CACNA1B: variants seen among roughly 807,000 people sequenced by gnomAD.
The protein encoded by CACNA1B is calcium voltage-gated channel subunit alpha1 B, also known as voltage-dependent N-type calcium channel subunit alpha-1B.
A neutral mutation model predicts 247.2 loss-of-function variants in CACNA1B; 70 were observed. The ratio of observed to expected loss-of-function variants is 0.28; its 90% CI spans 0.23 to 0.35. The LOEUF (loss-of-function observed/expected upper bound fraction) is 0.35, where lower values mean the gene tolerates loss of function less well. CACNA1B is among the 10% of genes least tolerant of loss of function. The pLI, the probability that CACNA1B is intolerant of heterozygous loss-of-function variation, is 1.00. For synonymous variants in CACNA1B, 1,231 were observed against 1,294.4 expected (o/e 0.95, Z 1.05); for missense variants, 2,367 against 3,197.4 (o/e 0.74, Z 6.26).
intron 13 of CACNA1B, among the ~76,000 whole-genome samples, chr9:137,985,947 G>T (rs1250941055): frequency 6.6e-6 from 1 of 152,236 alleles, no homozygotes; most frequent in Non-Finnish European, 1.5e-5. Context: ...TCTGCCACCG[G>T]CCACAGCGCT....
intron 6 of CACNA1B, among the ~76,000 whole-genome samples, chr9:137,928,218 C>T (rs1957573267): frequency 6.6e-6 from 1 of 152,186 alleles, no homozygotes; most frequent in African/African-American, 2.4e-5. Flanking sequence ...CTGCCTTAGC[C>T]TCCCAAGTAG....
intron 15 of CACNA1B, among the ~76,000 whole-genome samples, chr9:137,992,346 A>G (rs571290814): frequency 6.6e-6 from 1 of 152,340 alleles, no homozygotes; most frequent in East Asian, 1.9e-4. Context: ...ACAAAGAGGG[A>G]CATTATATAA....
chr9:137,965,471 A>C (rs1958063684), intron 10 of CACNA1B, among the ~76,000 whole-genome samples: 1 of 152,292 alleles, frequency 6.6e-6, no homozygotes, highest in Non-Finnish European at 1.5e-5. Flanking sequence ...GCTTGAGGCC[A>C]GGAGTTTGAG....
At position 137,971,525 on chromosome 9, in the gene CACNA1B, G is replaced by A; in HGVS notation, c.1476G>A (p.Val492=). Residue 492 remains valine, a synonymous_variant, in exon 11 of 47, where the codon GTG becomes GTA. Coordinates refer to ENST00000371372, the MANE Select transcript of CACNA1B (RefSeq NM_000718.4). The surrounding 1 kb of genome is among the most constrained non-coding windows in gnomAD (Gnocchi z 4.4). The part of the protein sequence containing the change: ...QSFYWVVLCV[V]ALNTLCVAMV... The stretch of plus-strand genomic sequence containing the variant: ...TCTACTGGGTGGTGCTGTGCGTGGT[G>A]GCCCTGAACACACTGTGTGTGGCCA... 6.2e-7 allele frequency: 1 copy of A among 1,613,818 alleles called. No homozygotes were observed. The highest frequency in any genetic ancestry group is 1.1e-5 in the South Asian group (1 of 91,026).
In CACNA1B at chr9:137,941,702, T is replaced by TA. The variant is rs1171361988; in HGVS notation, c.967-10571dup. 2.0e-5 allele frequency among the ~76,000 whole-genome samples: 3 copies of TA among 151,872 alleles called. No individual in the cohort carries two copies. In the East Asian group the frequency reaches 5.8e-4, roughly 29 times the overall value. On this transcript the variant is annotated intron_variant, in intron 6 of 46. Coordinates refer to ENST00000371372, the MANE Select transcript of CACNA1B (RefSeq NM_000718.4). Reference sequence around the variant, plus strand: ...GAACCCAGAAATAAACCCAAATACTTACAGCAAGCAAAAAGATAAAAGTGG... The same window carrying TA: ...GAACCCAGAAATAAACCCAAATACTTAACAGCAAGCAAAAAGATAAAAGTGG...
At position 138,024,900 on chromosome 9, in the gene CACNA1B, G is replaced by A. The variant is rs143939370; in HGVS notation, c.3069-55G>A. 6.4e-4 allele frequency: 828 copies of A among 1,284,840 alleles called. 12 individuals carry two copies. The East Asian group carries it at 0.02, about 30-fold the overall frequency. 79.6% of individuals were successfully genotyped at this position (1,284,840 alleles called of 1,614,324 possible). A position where few individuals can be genotyped will look rare whatever the true frequency, so the allele number is the denominator to read the frequency against. On this transcript the variant is annotated intron_variant, in intron 19 of 46. Transcript: ENST00000371372. ...CCTCCTGCCTCTGCCTCCCGGTGCC[G>A]GGATCACAGGTGTGAGCCACTGCGC... is the stretch of plus-strand genomic sequence containing the variant.
At chr9:138,023,876 G>T (rs1958886059) in intron 19 of CACNA1B, 65 bp downstream of exon 19, 1 of 814,146 alleles carries the variant, frequency 1.2e-6, no homozygotes, top group Non-Finnish European at 2.1e-6. Context: ...GGCCCCAGCG[G>T]TGGCTGCGGC....
rs536809428 is a variant in CACNA1B, at chr9:138,058,751, C to T, written c.4473+18C>T. On this transcript the variant is annotated intron_variant, in intron 29 of 46. Coordinates refer to ENST00000371372, the MANE Select transcript of CACNA1B (RefSeq NM_000718.4). This position sits in a 1 kb window ranked among gnomAD's most constrained non-coding sequence, Gnocchi z 4.7. Reference sequence around the variant, plus strand: ...TGATGAAGGTGTGTGGGGCTCAGCGCAGAGGGGCAGCTGGCGCTGCTAGGG... The same window carrying T: ...TGATGAAGGTGTGTGGGGCTCAGCGTAGAGGGGCAGCTGGCGCTGCTAGGG... The T allele has an allele frequency of 1.4e-5, 22 of 1,587,918 alleles. No homozygotes were observed. The highest frequency in any genetic ancestry group is 2.7e-5 in the African/African-American group (2 of 74,466).
At chr9:138,120,994 C>T (rs1326028874) in intron 46 of CACNA1B, 113 bp downstream of exon 46, 16 of 1,285,936 alleles carry the variant, frequency 1.2e-5, no homozygotes, top group Admixed American at 5.7e-5. Context: ...TTTGTCATTC[C>T]CAGCAACCCA....
At chr9:137,893,582 C>G (rs1346105116) in intron 3 of CACNA1B, among the ~76,000 whole-genome samples, 1 of 150,636 alleles carries the variant, frequency 6.6e-6, no homozygotes, top group African/African-American at 2.4e-5. Context: ...ACCCAGGAGG[C>G]GAAGCTTGCA....
At chr9:137,884,968 C>A (rs567863698) in intron 3 of CACNA1B, among the ~76,000 whole-genome samples, 4 of 111,114 alleles carry the variant, frequency 3.6e-5, no homozygotes, top group Non-Finnish European at 6.1e-5. Context: ...CCCCCCCCCC[C>A]TCCTCCCACT....
chr9:138,048,831 C>T (rs1379349877), intron 23 of CACNA1B, among the ~76,000 whole-genome samples: 5 of 152,300 alleles, frequency 3.3e-5, no homozygotes, highest in Middle Eastern at 6.8e-3. Context: ...AATTCTCATG[C>T]CTCAGCCTCT....
At chr9:138,009,090 T>G (rs2133416785) in intron 16 of CACNA1B, among the ~76,000 whole-genome samples, 1 of 152,328 alleles carries the variant, frequency 6.6e-6, no homozygotes, top group Middle Eastern at 3.4e-3. Flanking sequence ...CTTCCAGTGA[T>G]GGGTGAAGAG....
rs572574131 is a variant in CACNA1B, at chr9:137,983,498, G to A, written c.1657-640G>A. ...CTGAGGAATGGCTGGAAGGAGGGAC[G>A]TGTACCTTGCTCACAAATTCCAGCT... is the stretch of plus-strand genomic sequence containing the variant. On this transcript the variant is annotated intron_variant, in intron 12 of 46. Transcript: ENST00000371372. Among the ~76,000 whole-genome samples the A allele has an allele frequency of 7.2e-5, 11 of 152,264 alleles. No homozygotes were observed. The South Asian group carries it at 1.7e-3, about 23-fold the overall frequency.
chr9:138,111,219 A>T (rs1168523546), intron 39 of CACNA1B, among the ~76,000 whole-genome samples: 1 of 152,238 alleles, frequency 6.6e-6, no homozygotes, highest in Non-Finnish European at 1.5e-5. Context: ...TTACAGCTTT[A>T]TTCAAAATTG....
chr9:138,077,172 C>T (rs980219031), intron 35 of CACNA1B, among the ~76,000 whole-genome samples: 2 of 152,186 alleles, frequency 1.3e-5, no homozygotes, highest in Non-Finnish European at 2.9e-5. Flanking sequence ...AGGAACCCCC[C>T]TGCCTCCGGC....
In CACNA1B at chr9:137,913,086, T is replaced by C; in HGVS notation, c.531-94T>C. The C allele has an allele frequency of 1.1e-6, 1 of 945,034 alleles. No individual in the cohort carries two copies. Among genetic ancestry groups the C allele is most frequent in the Non-Finnish European group, 1.7e-6 (1 of 600,354 alleles). 58.5% of individuals were successfully genotyped at this position (945,034 alleles called of 1,614,324 possible). A position where few individuals can be genotyped will look rare whatever the true frequency, so the allele number is the denominator to read the frequency against. On this transcript the variant is annotated intron_variant, in intron 3 of 46. Coordinates refer to ENST00000371372, the MANE Select transcript of CACNA1B (RefSeq NM_000718.4). The surrounding 1 kb of genome is among the most constrained non-coding windows in gnomAD (Gnocchi z 5.2). ...CACAGGAATGAAGGTGTCACTGCTCTTGGGAGACATGACCCTGGTGGTGGG... is the reference window on the plus strand; with the variant it reads ...CACAGGAATGAAGGTGTCACTGCTCCTGGGAGACATGACCCTGGTGGTGGG...
Position 138,010,210 on chromosome 9 carries a change from G to A in CACNA1B, c.2160+133G>A. ...CTTGGGTCCTGGCGGGCAGAGGCTG[G>A]TCTGTCACTCAGGGGCTGGAGGCTG... On this transcript the variant is annotated intron_variant, in intron 17 of 46. Coordinates refer to ENST00000371372, the MANE Select transcript of CACNA1B (RefSeq NM_000718.4). This position sits in a 1 kb window ranked among gnomAD's most constrained non-coding sequence, Gnocchi z 5.3. 1 of 674,110 alleles carries A rather than the reference G, an allele frequency of 1.5e-6. No individual in the cohort carries two copies. The highest frequency in any genetic ancestry group is 2.6e-6 in the Non-Finnish European group (1 of 378,148). 41.8% of individuals were successfully genotyped at this position (674,110 alleles called of 1,614,324 possible). A position where few individuals can be genotyped will look rare whatever the true frequency, so the allele number is the denominator to read the frequency against.
chr9:137,956,591 T>C (rs570094745), intron 8 of CACNA1B, among the ~76,000 whole-genome samples, 180 bp from the exon 9 acceptor site: 97 of 150,578 alleles, frequency 6.4e-4, no homozygotes, highest in Middle Eastern at 3.4e-3. Flanking sequence ...AAGGTGGAGG[T>C]TGCAGTGAGC....
Sources: allele counts gnomAD v4.1 joint callset (sites outside exome capture counted in the v4.1 genomes callset), GRCh38; gene constraint gnomAD v4.1.1; non-coding constraint Gnocchi (gnomAD v3.1); transcripts MANE v1.5; gene names NCBI Gene and HGNC (gene_info 2026-07-23, HGNC 2026-07-21).